MCUB: variants seen among roughly 807,000 people sequenced by gnomAD.
MCUB encodes calcium uniporter regulatory subunit MCUb, mitochondrial.
In MCUB, 46 loss-of-function variants were observed where a neutral mutation model predicts 41.4. The ratio of observed to expected loss-of-function variants is 1.11; its 90% CI spans 0.88 to 1.42. The LOEUF (loss-of-function observed/expected upper bound fraction) is 1.42. MCUB is among the 40% of genes most tolerant of loss of function. The probability of loss-of-function intolerance (pLI) is 0.00; values close to 1 mark genes in which losing one functional copy is unlikely to be tolerated. For synonymous variants in MCUB, 148 were observed against 148.2 expected (o/e 1.00, Z 0.01); for missense variants, 403 against 404.9 (o/e 1.00, Z 0.04).
intron 4 of MCUB, among the ~76,000 whole-genome samples, chr4:109,671,065 G>C (rs192432603): frequency 3.3e-5 from 5 of 152,100 alleles, no homozygotes; most frequent in Admixed American, 1.3e-4. Flanking sequence ...CAATTTTGGC[G>C]ACAGCAATTT....
chr4:109,564,738 A>G (rs1726733139), intron 1 of MCUB, among the ~76,000 whole-genome samples: 1 of 152,202 alleles, frequency 6.6e-6, no homozygotes, highest in South Asian at 2.1e-4. Flanking sequence ...AAATGGTTAC[A>G]GGGCTTGGTA....
intron 1 of MCUB, among the ~76,000 whole-genome samples, chr4:109,563,906 ATAAAAG>A (rs1726700297): frequency 6.6e-6 from 1 of 151,696 alleles, no homozygotes; most frequent in South Asian, 2.1e-4. Flanking sequence ...TCTTAAAAAA[ATAAAAG>A]TAAAGGAAAA....
chr4:109,599,388 A>G (rs181796607), intron 1 of MCUB, among the ~76,000 whole-genome samples: 8 of 152,138 alleles, frequency 5.3e-5, no homozygotes, highest in Non-Finnish European at 7.3e-5. Flanking sequence ...ACAGGAAACA[A>G]CTTTGCAACC....
intron 1 of MCUB, among the ~76,000 whole-genome samples, chr4:109,652,802 C>A (rs548059618): frequency 2.0e-5 from 3 of 152,304 alleles, no homozygotes; most frequent in Admixed American, 2.0e-4. Context: ...GCATAATATT[C>A]TAGGTTGGTA....
intron 1 of MCUB, among the ~76,000 whole-genome samples, chr4:109,591,960 TA>T (rs1727446368): frequency 6.6e-6 from 1 of 151,532 alleles, no homozygotes; most frequent in Non-Finnish European, 1.5e-5. Context: ...TCAGCCACCC[TA>T]AGTGCTAGGA....
chr4:109,616,465 A>G (rs1442211486), intron 1 of MCUB, among the ~76,000 whole-genome samples: 1 of 152,208 alleles, frequency 6.6e-6, no homozygotes, highest in Non-Finnish European at 1.5e-5. Context: ...TACCCAACAG[A>G]ATAACCAGCT....
chr4:109,603,225 G>A (rs7435260), intron 1 of MCUB, among the ~76,000 whole-genome samples: 1,665 of 151,196 alleles, frequency 0.011, 105 homozygotes, highest in Admixed American at 0.1. Context: ...CCTGCCGAGT[G>A]CCTGGGATTG....
At chr4:109,612,288 C>T (rs6841003) in intron 1 of MCUB, among the ~76,000 whole-genome samples, 5 of 132,864 alleles carry the variant, frequency 3.8e-5, no homozygotes, top group African/African-American at 5.7e-5. Flanking sequence ...TTTTTGAGAG[C>T]GTCTCACTCA....
chr4:109,589,212 C>G (rs1260942699), intron 1 of MCUB, among the ~76,000 whole-genome samples: 1 of 152,244 alleles, frequency 6.6e-6, no homozygotes, highest in East Asian at 1.9e-4. Context: ...AGGTGCAGAC[C>G]ATGCCCGGCC....
At chr4:109,565,386 G>A (rs953700190) in intron 1 of MCUB, among the ~76,000 whole-genome samples, 4 of 152,168 alleles carry the variant, frequency 2.6e-5, no homozygotes, top group Non-Finnish European at 5.9e-5. Flanking sequence ...AGACTAGACA[G>A]CAATTTCTTC....
intron 1 of MCUB, among the ~76,000 whole-genome samples, chr4:109,619,262 T>G (rs529336125): frequency 6.6e-6 from 1 of 152,210 alleles, no homozygotes; most frequent in African/African-American, 2.4e-5. Flanking sequence ...GTATTTTTAG[T>G]AGAGACATGG....
At chr4:109,586,507 T>C (rs7699921) in intron 1 of MCUB, among the ~76,000 whole-genome samples, 32,307 of 152,136 alleles carry the variant, frequency 0.21, 4,809 homozygotes, top group African/African-American at 0.41. Context: ...TGGTGAGGCG[T>C]GTGATCCTTT....
chr4:109,592,853 T>C (rs556358619), intron 1 of MCUB, among the ~76,000 whole-genome samples: 1 of 152,362 alleles, frequency 6.6e-6, no homozygotes, highest in South Asian at 2.1e-4. Context: ...GCAAGTTCTC[T>C]CATGCTTTCT....
Position 109,682,646 on chromosome 4 carries a change from T to G in MCUB, c.516T>G (p.Phe172Leu). 2 of 1,612,910 alleles carry G rather than the reference T, an allele frequency of 1.2e-6. No homozygotes were observed. The highest frequency in any genetic ancestry group is 1.7e-6 in the Non-Finnish European group (2 of 1,178,890). The change falls in exon 5 of 8, where the codon TTT becomes TTG. Residue 172 changes from phenylalanine to leucine, a missense_variant. Transcript: ENST00000394650. The part of the protein sequence containing the change: ...EHMKSLVHRL[F>L]TILHLEESQK... ...TGAAATCTTTGGTTCACAGACTATT[T>G]ACAATCTTGCATTTAGAAGAGTCTC...
chr4:109,615,730 G>C (rs905965905), intron 1 of MCUB, among the ~76,000 whole-genome samples: 3 of 152,156 alleles, frequency 2.0e-5, no homozygotes, highest in East Asian at 3.8e-4. Context: ...TTATTTGCTA[G>C]GTCTCAGCAA....
intron 1 of MCUB, among the ~76,000 whole-genome samples, chr4:109,615,698 C>T (rs1728112604): frequency 1.3e-5 from 2 of 152,070 alleles, no homozygotes; most frequent in South Asian, 2.1e-4. Flanking sequence ...CATGAGCCAC[C>T]GCGCCCGGCA....
chr4:109,618,994 A>C (rs1360111484), intron 1 of MCUB, among the ~76,000 whole-genome samples: 8 of 127,076 alleles, frequency 6.3e-5, no homozygotes, highest in African/African-American at 1.3e-4. Context: ...CTCTCTACCT[A>C]CCAACCTACC....
intron 1 of MCUB, among the ~76,000 whole-genome samples, chr4:109,570,289 G>T (rs958769933): frequency 2.0e-5 from 3 of 152,100 alleles, no homozygotes; most frequent in Non-Finnish European, 4.4e-5. Flanking sequence ...CGAAGATCAG[G>T]TGCTGTATCT....
intron 1 of MCUB, among the ~76,000 whole-genome samples, chr4:109,601,818 T>TA: frequency 6.6e-6 from 1 of 152,320 alleles, no homozygotes; most frequent in Middle Eastern, 3.4e-3. Context: ...TCCAAACTGT[T>TA]CTCCTTAGTG....
Sources: allele counts gnomAD v4.1 joint callset (sites outside exome capture counted in the v4.1 genomes callset), GRCh38; gene constraint gnomAD v4.1.1; transcripts MANE v1.5; gene names NCBI Gene and HGNC (gene_info 2026-07-23, HGNC 2026-07-21).